The following ALK variants were observed in gnomAD, a reference collection of about 807,000 sequenced individuals.
ALK encodes the protein ALK receptor tyrosine kinase, also known as ALK tyrosine kinase receptor.
In ALK, 74 loss-of-function variants were observed where a neutral mutation model predicts 163.1. The observed-to-expected ratio is 0.45, with a 90% confidence interval of 0.38 to 0.55. The LOEUF is 0.55. Ranked by LOEUF, ALK falls within the 20% of genes least tolerant of loss-of-function variation. The pLI is 0.00. For missense variants in ALK, 2,063 were observed against 2,105.3 expected (o/e 0.98, Z 0.39); for synonymous variants, 960 against 843.2 (o/e 1.14, Z -2.40).
rs188165838 is a variant in ALK at position 29,746,434 on chromosome 2, A to G, written c.668-28737T>C. ...CCAAATTATAGGATCAGCATTTGTG[A>G]GCCTCTTGAATCTTCAGAATACAAA... is the stretch of plus-strand genomic sequence containing the variant. On this transcript the variant is annotated intron_variant, in intron 1 of 28. Transcript: ENST00000389048. Among the ~76,000 whole-genome samples the G allele has an allele frequency of 2.0e-5, 3 of 152,344 alleles. No homozygotes were observed. In the East Asian group the frequency reaches 5.8e-4, roughly 29 times the overall value.
In ALK at chr2:29,466,279, A is replaced by C. The variant is rs74574137; in HGVS notation, c.1154+65636T>G. On this transcript the variant is annotated intron_variant, in intron 4 of 28. Transcript: ENST00000389048. ...TCCCAAGCCTCTGTGTTGACATCTTAGTTCCCGTCATCTATTGTTTCTATG... is the reference window on the plus strand; with the variant it reads ...TCCCAAGCCTCTGTGTTGACATCTTCGTTCCCGTCATCTATTGTTTCTATG... Among the ~76,000 whole-genome samples, 593 of 152,250 alleles carry C rather than the reference A, an allele frequency of 3.9e-3. 3 individuals are homozygous for C. The highest frequency in any genetic ancestry group is 0.014 in the African/African-American group (568 of 41,544).
At chr2:29,243,264 A>C (rs1172401535) in intron 12 of ALK, among the ~76,000 whole-genome samples, 1 of 152,266 alleles carries the variant, frequency 6.6e-6, no homozygotes, top group East Asian at 1.9e-4. Context: ...TTTTCTGCCC[A>C]AGGTGCTTTG....
chr2:29,717,455 C>T, intron 2 of ALK, 123 bp downstream of exon 2: 1 of 1,228,794 alleles, frequency 8.1e-7, no homozygotes, highest in Non-Finnish European at 1.2e-6. Flanking sequence ...AGAAAGACTT[C>T]TTTTGCATAT....
intron 3 of ALK, among the ~76,000 whole-genome samples, chr2:29,541,744 T>C (rs1325966353): frequency 1.3e-5 from 2 of 152,196 alleles, no homozygotes; most frequent in East Asian, 3.8e-4. Flanking sequence ...GTGGGGCAGA[T>C]TTGCATCTGT....
intron 1 of ALK, among the ~76,000 whole-genome samples, chr2:29,827,100 G>A (rs1665224160): frequency 6.6e-6 from 1 of 152,222 alleles, no homozygotes; most frequent in Non-Finnish European, 1.5e-5. Flanking sequence ...GACATTTGAT[G>A]GGTAACTATT....
chr2:29,382,269 G>C (rs577884123), intron 5 of ALK, among the ~76,000 whole-genome samples: 61 of 152,156 alleles, frequency 4.0e-4, no homozygotes, highest in Non-Finnish European at 7.2e-4. Flanking sequence ...AACTCTATTG[G>C]TTTTGTAAAG....
intron 5 of ALK, among the ~76,000 whole-genome samples, chr2:29,353,200 T>A (rs1235786761): frequency 2.0e-5 from 3 of 152,236 alleles, no homozygotes; most frequent in African/African-American, 7.2e-5. Context: ...CAATGGATCA[T>A]CTGGCACCAC....
chr2:29,500,878 A>C (rs180731302), intron 4 of ALK, among the ~76,000 whole-genome samples: 62 of 152,228 alleles, frequency 4.1e-4, no homozygotes, highest in African/African-American at 1.4e-3. Context: ...TGCTTTGCTC[A>C]TCTCTGATTT....
intron 3 of ALK, 89 bp from the exon 4 acceptor site, chr2:29,532,205 C>A (rs931983777): frequency 8.0e-7 from 1 of 1,255,274 alleles, no homozygotes; most frequent in African/African-American, 1.5e-5. Context: ...CAAATGGCAT[C>A]AAAATCAGAG....
intron 1 of ALK, among the ~76,000 whole-genome samples, chr2:29,747,297 G>T (rs1460333407): frequency 6.6e-6 from 1 of 152,132 alleles, no homozygotes; most frequent in Non-Finnish European, 1.5e-5. Flanking sequence ...TTTGAAACAG[G>T]TGCTCTTAAG....
At chr2:29,846,952 T>G (rs962717462) in intron 1 of ALK, among the ~76,000 whole-genome samples, 43 of 152,216 alleles carry the variant, frequency 2.8e-4, no homozygotes, top group African/African-American at 8.9e-4. Context: ...AACTAGAATC[T>G]TGCTGAGCTA....
intron 3 of ALK, among the ~76,000 whole-genome samples, chr2:29,665,988 T>C (rs2148265962): frequency 6.6e-6 from 1 of 152,236 alleles, no homozygotes; most frequent in East Asian, 1.9e-4. Flanking sequence ...TGCATGGGTG[T>C]TTCTCATTCC....
At chr2:29,223,716 A>ATTATGATTCAATTTCAATT in intron 19 of ALK, 188 bp from the exon 20 acceptor site, 1 of 615,222 alleles carries the variant, frequency 1.6e-6, no homozygotes, top group Non-Finnish European at 2.9e-6. Flanking sequence ...GCATGATTTA[A>ATTATGATTCAATTTCAATT]AGTAAATGCA....
intron 4 of ALK, among the ~76,000 whole-genome samples, chr2:29,471,944 T>C (rs963349270): frequency 6.6e-6 from 1 of 152,214 alleles, no homozygotes; most frequent in Admixed American, 6.5e-5. Flanking sequence ...GGTTTTACCA[T>C]GTTGGCCAGG....
At chr2:29,199,852 C>G (rs1573087860) in intron 26 of ALK, among the ~76,000 whole-genome samples, 1 of 152,164 alleles carries the variant, frequency 6.6e-6, no homozygotes, top group East Asian at 1.9e-4. Flanking sequence ...TTGTAGTTTT[C>G]TGAGGTTAGC....
chr2:29,222,238 T>C (rs2148168151), intron 22 of ALK, 106 bp downstream of exon 22: 2 of 1,025,478 alleles, frequency 2.0e-6, no homozygotes, highest in Non-Finnish European at 1.5e-6. Flanking sequence ...GGGGACATGC[T>C]AGGGACAACA....
At chr2:29,825,347 G>A (rs1455370506) in intron 1 of ALK, among the ~76,000 whole-genome samples, 1 of 152,126 alleles carries the variant, frequency 6.6e-6, no homozygotes, top group African/African-American at 2.4e-5. Flanking sequence ...TTCCCTGTTA[G>A]GTCCTGGGCC....
intron 7 of ALK, among the ~76,000 whole-genome samples, chr2:29,319,463 A>G (rs1313471382): frequency 6.6e-6 from 1 of 152,214 alleles, no homozygotes; most frequent in African/African-American, 2.4e-5. Flanking sequence ...AAAAGCCCTC[A>G]TGCAGGCAGG....
intron 4 of ALK, among the ~76,000 whole-genome samples, chr2:29,481,436 AT>A (rs1371910749): frequency 6.6e-6 from 1 of 152,210 alleles, no homozygotes; most frequent in Non-Finnish European, 1.5e-5. Context: ...TACACTTCAC[AT>A]TTAATTTGAT....
Sources: allele counts gnomAD v4.1 joint callset (sites outside exome capture counted in the v4.1 genomes callset), GRCh38; gene constraint gnomAD v4.1.1; transcripts MANE v1.5; gene names NCBI Gene and HGNC (gene_info 2026-07-23, HGNC 2026-07-21).